HACL1: variants seen among roughly 807,000 people sequenced by gnomAD.
HACL1 encodes the protein 1600020H07Rik.
Under a neutral mutation model 74.2 loss-of-function variants are expected in HACL1, and 64 were observed. The ratio of observed to expected loss-of-function variants is 0.86; its 90% CI spans 0.70 to 1.06. The LOEUF (loss-of-function observed/expected upper bound fraction) is 1.06. Ranked by LOEUF, HACL1 falls within the 50% of genes least tolerant of loss-of-function variation. The pLI is 0.00. For missense variants in HACL1, 728 were observed against 719.7 expected (o/e 1.01, Z -0.13); for synonymous variants, 230 against 238.8 (o/e 0.96, Z 0.34).
In HACL1 at chr3:15,593,820, G is replaced by A. The variant is rs1156819695; in HGVS notation, c.228-2140C>T. 9.7e-5 allele frequency among the ~76,000 whole-genome samples: 12 copies of A among 123,760 alleles called. No homozygotes were observed. The South Asian group carries it at 1.8e-3, about 18-fold the overall frequency. 81.2% of individuals were successfully genotyped at this position (123,760 alleles called of 152,430 possible). ...TCTTTTTTTTTTTTTTTTTTGAGAC[G>A]AAGTCTCGTTCTTGTTCCCCAGGCT... is the stretch of plus-strand genomic sequence containing the variant. On this transcript the variant is annotated intron_variant, in intron 3 of 16. Coordinates refer to ENST00000321169, the MANE Select transcript of HACL1 (RefSeq NM_012260.4).
rs187717861 is a variant in HACL1, at chr3:15,588,566, T to C, written c.381+974A>G. ...CAAGACTGCGCCACTGCACTGCAGA[T>C]TGGGCAACACAGCCATATCCTGTCT... On this transcript the variant is annotated intron_variant, in intron 5 of 16. Coordinates refer to ENST00000321169, the MANE Select transcript of HACL1 (RefSeq NM_012260.4). 3.2e-4 allele frequency among the ~76,000 whole-genome samples: 48 copies of C among 151,908 alleles called. 1 individual carries two copies. Among genetic ancestry groups the C allele is most frequent in the Admixed American group, 1.0e-3 (16 of 15,260 alleles).
At chr3:15,591,488 A>AG in intron 4 of HACL1, 112 bp downstream of exon 4, 1 of 561,478 alleles carries the variant, frequency 1.8e-6, no homozygotes, top group Non-Finnish European at 3.1e-6. Flanking sequence ...TAAGAATTGA[A>AG]GGGGTTTTTT....
At chr3:15,562,968 CTCT>C (rs34465866) in intron 16 of HACL1, among the ~76,000 whole-genome samples, 26,368 of 151,854 alleles carry the variant, frequency 0.17, 2,845 homozygotes, top group East Asian at 0.35. Flanking sequence ...GAATCACCTC[CTCT>C]GAGAAGCCTT....
intron 15 of HACL1, 109 bp downstream of exon 15, chr3:15,564,442 G>T (rs1004791002): frequency 1.6e-6 from 1 of 635,824 alleles, no homozygotes; most frequent in Non-Finnish European, 2.9e-6. Context: ...CAATCGAAAC[G>T]GACAATACTC....
chr3:15,569,823 A>G (rs952264767), intron 12 of HACL1, among the ~76,000 whole-genome samples: 4 of 150,854 alleles, frequency 2.7e-5, no homozygotes, highest in Non-Finnish European at 4.4e-5. Flanking sequence ...TCCATCTCAA[A>G]AAAGAAAAAA....
intron 8 of HACL1, among the ~76,000 whole-genome samples, chr3:15,581,632 C>T (rs1227509411): frequency 6.6e-6 from 1 of 152,210 alleles, no homozygotes; most frequent in Admixed American, 6.5e-5. Flanking sequence ...TTTCAAGATG[C>T]AGCTGTTGTG....
At chr3:15,581,793 G>A (rs1248576324) in intron 8 of HACL1, among the ~76,000 whole-genome samples, 1 of 152,158 alleles carries the variant, frequency 6.6e-6, no homozygotes, top group Non-Finnish European at 1.5e-5. Flanking sequence ...CCAATAGGTA[G>A]GAACCACTAT....
chr3:15,600,826 G>C, intron 2 of HACL1: 1 of 558,732 alleles, frequency 1.8e-6, no homozygotes, highest in Non-Finnish European at 3.2e-6. Context: ...AGTAGTAAGA[G>C]AATGGACTCA....
intron 2 of HACL1, chr3:15,600,720 G>A (rs755110902): frequency 4.2e-5 from 11 of 263,986 alleles, no homozygotes; most frequent in Non-Finnish European, 6.0e-5. Flanking sequence ...GATGTGTCGT[G>A]AAGAAATAAT....
chr3:15,597,652 G>A (rs1311122317), intron 2 of HACL1, among the ~76,000 whole-genome samples: 4 of 124,620 alleles, frequency 3.2e-5, no homozygotes, highest in Non-Finnish European at 6.9e-5. Context: ...AAAAGGAAAT[G>A]TTTATGGATC....
At position 15,589,595 on chromosome 3, in the gene HACL1, C is replaced by T. The variant is rs779166870; in HGVS notation, c.326G>A (p.Gly109Asp). The change falls in exon 5 of 17, where the codon GGT (glycine) becomes GAT (aspartate). Residue 109 changes from glycine (G) to aspartate (D), a missense_variant. Transcript: ENST00000321169. The part of the protein sequence containing the change: ...NMNCWPLLVI[G>D]GSSERNQETM... ...TTCTTGGTTTCTTTCAGAGGAACCA[C>T]CAATCACAAGCAAGGGCCTGAAACA... 4.4e-6 allele frequency: 7 copies of T among 1,607,616 alleles called. No homozygotes were observed. The African/African-American group carries it at 5.4e-5, about 12-fold the overall frequency.
intron 5 of HACL1, among the ~76,000 whole-genome samples, chr3:15,588,804 A>ATTTTTTTTTTTTTTTTTTTTTT (rs1553644278): frequency 2.7e-5 from 4 of 149,544 alleles, no homozygotes; most frequent in Non-Finnish European, 6.0e-5. Flanking sequence ...GTTTCTTTTA[A>ATTTTTTTTTTTTTTTTTTTTTT]TTTTGACATG....
chr3:15,579,218 TACTC>T (rs1466499541), intron 9 of HACL1, among the ~76,000 whole-genome samples: 4 of 152,026 alleles, frequency 2.6e-5, no homozygotes, highest in Non-Finnish European at 4.4e-5. Flanking sequence ...AATCCAAAAT[TACTC>T]AGTACAAAAA....
intron 12 of HACL1, among the ~76,000 whole-genome samples, chr3:15,571,341 C>T (rs2063524319): frequency 6.6e-6 from 1 of 152,136 alleles, no homozygotes; most frequent in South Asian, 2.1e-4. Flanking sequence ...AATGTCCAAT[C>T]ACCTTCCTTC....
rs2064238618 is a variant in HACL1 at position 15,601,479 on chromosome 3, T to C, written c.-16A>G. ...TGTCCGGCATCTTCCACCGAAAAGC[T>C]CTAAGCACTCACGCAGCCGGCAAAC... On this transcript the variant is annotated 5_prime_UTR_variant, in exon 1 of 17. Transcript: ENST00000321169. 6 of 1,611,582 alleles carry C rather than the reference T, an allele frequency of 3.7e-6. No homozygotes were observed. Among genetic ancestry groups the C allele is most frequent in the Non-Finnish European group, 5.1e-6 (6 of 1,179,946 alleles).
intron 9 of HACL1, 113 bp downstream of exon 9, chr3:15,579,797 C>T (rs1461362831): frequency 2.7e-6 from 2 of 754,684 alleles, no homozygotes; most frequent in African/African-American, 3.6e-5. Context: ...AACAGGTATG[C>T]TTAAAATTCC....
intron 2 of HACL1, among the ~76,000 whole-genome samples, chr3:15,598,409 T>A (rs9839032): frequency 9.1e-4 from 139 of 152,086 alleles, no homozygotes; most frequent in African/African-American, 3.3e-3. Context: ...ACTTAGAGAG[T>A]GGACTCTCGA....
chr3:15,562,538 A>C (rs189882590), intron 16 of HACL1, among the ~76,000 whole-genome samples: 202 of 152,326 alleles, frequency 1.3e-3, no homozygotes, highest in Non-Finnish European at 2.3e-3. Context: ...CAAAAGAAAG[A>C]GATTCCATAT....
At chr3:15,572,575 A>C (rs577846550) in intron 11 of HACL1, among the ~76,000 whole-genome samples, 1 of 152,246 alleles carries the variant, frequency 6.6e-6, no homozygotes, top group African/African-American at 2.4e-5. Flanking sequence ...GAGTGATTTA[A>C]TATGTGATTC....
Sources: gnomAD v4.1 joint callset for allele counts (sites outside exome capture counted in the v4.1 genomes callset) on GRCh38, gnomAD v4.1.1 for gene constraint, MANE v1.5 for transcripts, NCBI Gene and HGNC (gene_info 2026-07-23, HGNC 2026-07-21) for gene names.